Variants in UGT1A7 observed in about 807,000 individuals in gnomAD.
The protein encoded by UGT1A7 is UDP glucuronosyltransferase family 1 member A7.
A neutral mutation model predicts 45.6 loss-of-function variants in UGT1A7; 33 were observed. That is an observed-to-expected ratio of 0.72 (90% CI 0.55 to 0.97). The LOEUF (loss-of-function observed/expected upper bound fraction) is 0.97, where lower values mean the gene tolerates loss of function less well. Ranked by LOEUF, UGT1A7 falls within the 50% of genes least tolerant of loss-of-function variation. The probability of loss-of-function intolerance (pLI) is 0.00; values close to 1 mark genes in which losing one functional copy is unlikely to be tolerated. For synonymous variants in UGT1A7, 274 were observed against 250.6 expected (o/e 1.09, Z -0.88); for missense variants, 684 against 666.2 (o/e 1.03, Z -0.29).
chr2:233,686,048 A>G (rs1575435852), intron 1 of UGT1A7, among the ~76,000 whole-genome samples: 1 of 152,318 alleles, frequency 6.6e-6, no homozygotes, highest in Non-Finnish European at 1.5e-5. Context: ...AATGGCAAAG[A>G]ATAGTGTCTT....
chr2:233,760,927 C>T (rs1225128510), intron 1 of UGT1A7: 3 of 1,614,216 alleles, frequency 1.9e-6, no homozygotes, highest in Non-Finnish European at 2.5e-6. Flanking sequence ...GAAGAACATG[C>T]TCATTGCCTT....
At chr2:233,715,899 C>T (rs1227216690) in intron 1 of UGT1A7, among the ~76,000 whole-genome samples, 1 of 152,172 alleles carries the variant, frequency 6.6e-6, no homozygotes, top group African/African-American at 2.4e-5. Context: ...TTGGGAGGCT[C>T]AGGTGGGAGG....
chr2:233,762,804 C>T (rs1698168354), intron 1 of UGT1A7, among the ~76,000 whole-genome samples: 1 of 151,574 alleles, frequency 6.6e-6, no homozygotes, highest in African/African-American at 2.4e-5. Context: ...TCAGCTATCT[C>T]ATCAAAATAT....
At position 233,742,060 on chromosome 2, in the gene UGT1A7, T is replaced by A. The variant is rs74500985; in HGVS notation, c.856-24974T>A. On this transcript the variant is annotated intron_variant, in intron 1 of 4. Transcript: ENST00000373426. ...AGCATAGCAATAGGATAGTTCTGTG[T>A]GGCCTTATGGAGATCCTTTTTTTAC... 642 of 152,036 alleles carry A rather than the reference T, an allele frequency of 4.2e-3. 25 individuals carry two copies. Among genetic ancestry groups the A allele is most frequent in the African/African-American group, 0.015 (610 of 41,262 alleles). 9.4% of individuals were successfully genotyped at this position (152,036 alleles called of 1,614,324 possible).
At chr2:233,698,746 T>C (rs1160364349) in intron 1 of UGT1A7, among the ~76,000 whole-genome samples, 1 of 152,368 alleles carries the variant, frequency 6.6e-6, no homozygotes, top group Non-Finnish European at 1.5e-5. Context: ...ATTTTTTACA[T>C]AATGCTATGA....
chr2:233,729,080 A>T lies in UGT1A7; in HGVS notation c.856-37954A>T, dbSNP rs1488435672. 6 of 1,612,076 alleles carry T rather than the reference A, an allele frequency of 3.7e-6. No homozygotes were observed. In the African/African-American group the frequency reaches 8.0e-5, roughly 22 times the overall value. On this transcript the variant is annotated intron_variant, in intron 1 of 4. Transcript: ENST00000373426. Reference sequence around the variant, plus strand: ...TTAAGATGAAGAAAGCAAATGTAGCAGGCACAGCGTGGGGTGGACAGTCAG... The same window carrying T: ...TTAAGATGAAGAAAGCAAATGTAGCTGGCACAGCGTGGGGTGGACAGTCAG...
chr2:233,743,731 G>T (rs373030535), intron 1 of UGT1A7: 5 of 1,367,244 alleles, frequency 3.7e-6, no homozygotes, highest in African/African-American at 3.0e-5. Context: ...CATAGATATC[G>T]CGTTTCTTGG....
At chr2:233,762,713 C>T (rs1377918494) in intron 1 of UGT1A7, among the ~76,000 whole-genome samples, 1 of 150,748 alleles carries the variant, frequency 6.6e-6, no homozygotes, top group South Asian at 2.1e-4. Context: ...AAGTATTTTA[C>T]ACGGTTTTTT....
rs144094855 is a variant in UGT1A7 at position 233,720,325 on chromosome 2, G to A, written c.855+37533G>A. On this transcript the variant is annotated intron_variant, in intron 1 of 4. Coordinates refer to ENST00000373426, the MANE Select transcript of UGT1A7 (RefSeq NM_019077.3). ...GTCTGGTGTATGATGTGGGGACATC[G>A]TAGAGTTTGGAAGGTATGGTGATGG... Among the ~76,000 whole-genome samples the A allele has an allele frequency of 7.7e-4, 117 of 152,214 alleles. 2 individuals are homozygous for A. The highest frequency in any genetic ancestry group is 2.4e-3 in the African/African-American group (101 of 41,542).
In UGT1A7 at chr2:233,768,066, C is replaced by T; in HGVS notation, c.1075+130C>T. The T allele has an allele frequency of 1.9e-6, 3 of 1,597,468 alleles. No homozygotes were observed. In the Admixed American group the frequency reaches 5.2e-5, roughly 28 times the overall value. On this transcript the variant is annotated intron_variant, in intron 3 of 4. Coordinates refer to ENST00000373426, the MANE Select transcript of UGT1A7 (RefSeq NM_019077.3). ...CAACATATCCTACATTGCTTTTTAT[C>T]TAGTGGGGTATCTCAACCCACATTT...
chr2:233,747,196 T>C, intron 1 of UGT1A7: 1 of 1,604,480 alleles, frequency 6.2e-7, no homozygotes, highest in Non-Finnish European at 8.5e-7. Flanking sequence ...CAGTCAGCTG[T>C]CCGTGTCTTC....
chr2:233,693,012 G>T, intron 1 of UGT1A7: 1 of 1,614,130 alleles, frequency 6.2e-7, no homozygotes, highest in Non-Finnish European at 8.5e-7. Context: ...AGGATGGCCT[G>T]CCTCCTTCGC....
At chr2:233,746,132 G>A (rs998349575) in intron 1 of UGT1A7, among the ~76,000 whole-genome samples, 1 of 151,792 alleles carries the variant, frequency 6.6e-6, no homozygotes, top group African/African-American at 2.4e-5. Flanking sequence ...CTGTGGACTG[G>A]CACCTGAGTG....
chr2:233,715,254 A>G (rs547164013), intron 1 of UGT1A7, among the ~76,000 whole-genome samples: 219 of 152,274 alleles, frequency 1.4e-3, no homozygotes, highest in African/African-American at 5.0e-3. Context: ...CTTTTAAAAA[A>G]TCCCCTTACA....
At position 233,682,556 on chromosome 2, in the gene UGT1A7, G is replaced by A. The variant is rs2125523807; in HGVS notation, c.619G>A (p.Val207Ile). 4 of 1,613,932 alleles carry A rather than the reference G, an allele frequency of 2.5e-6. No homozygotes were observed. The highest frequency in any genetic ancestry group is 4.5e-5 in the East Asian group (2 of 44,870). Reference protein sequence around the residue: ...FSDAMTFKERVWNHIMHLEEH... With the variant: ...FSDAMTFKERIWNHIMHLEEH... ...AGACGCCATGACTTTCAAGGAGAGA[G>A]TATGGAACCACATCATGCACTTGGA... The change falls in exon 1 of 5, where the codon GTA (valine) becomes ATA (isoleucine). Residue 207 changes from valine (V) to isoleucine (I), a missense_variant. By Grantham distance (29) the Val-to-Ile change is conservative (BLOSUM62 3). Transcript: ENST00000373426.
In UGT1A7 at chr2:233,705,303, G is replaced by A. The variant is rs115657033; in HGVS notation, c.855+22511G>A. On this transcript the variant is annotated intron_variant, in intron 1 of 4. Transcript: ENST00000373426. Reference sequence around the variant, plus strand: ...TGAAGAACTTCCTTTAGTATTTCTTGTAAGTTGAGTTTTTCAGCAACACAT... The same window carrying A: ...TGAAGAACTTCCTTTAGTATTTCTTATAAGTTGAGTTTTTCAGCAACACAT... Among the ~76,000 whole-genome samples the A allele has an allele frequency of 8.9e-3, 1,351 of 152,284 alleles. 24 individuals are homozygous for A. Among genetic ancestry groups the A allele is most frequent in the African/African-American group, 0.031 (1,281 of 41,548 alleles).
intron 1 of UGT1A7, among the ~76,000 whole-genome samples, chr2:233,686,049 ATAGTGTC>A (rs1203423623): frequency 1.3e-5 from 2 of 152,178 alleles, no homozygotes; most frequent in African/African-American, 4.8e-5. Context: ...ATGGCAAAGA[ATAGTGTC>A]TTCAGCAGAG....
chr2:233,753,217 G>T (rs1387240791), intron 1 of UGT1A7: 10 of 152,116 alleles, frequency 6.6e-5, no homozygotes, highest in Admixed American at 6.5e-4. Flanking sequence ...GTCTTATTTT[G>T]ATACTTCTTG....
chr2:233,747,212 A>G, intron 1 of UGT1A7: 1 of 1,605,294 alleles, frequency 6.2e-7, no homozygotes, highest in South Asian at 1.1e-5. Context: ...TCTTCTGCTG[A>G]GATGGCCACA....
Sources: gnomAD v4.1 joint callset for allele counts (sites outside exome capture counted in the v4.1 genomes callset) on GRCh38, gnomAD v4.1.1 for gene constraint, MANE v1.5 for transcripts, NCBI Gene and HGNC (gene_info 2026-07-23, HGNC 2026-07-21) for gene names.